TRIP4: variants seen among roughly 807,000 people sequenced by gnomAD.
TRIP4 encodes activating signal cointegrator 1.
A neutral mutation model predicts 81.8 loss-of-function variants in TRIP4; 54 were observed. The observed-to-expected ratio is 0.66, with a 90% CI of 0.53 to 0.83. The LOEUF is 0.83. Ranked by LOEUF, TRIP4 falls within the 40% of genes least tolerant of loss-of-function variation. The pLI, the probability that TRIP4 is intolerant of heterozygous loss-of-function variation, is 0.00. For missense variants in TRIP4, 662 were observed against 683.6 expected (o/e 0.97, Z 0.35); for synonymous variants, 270 against 242.8 (o/e 1.11, Z -1.04).
At chr15:64,450,794 C>T (rs1420141279) in intron 12 of TRIP4, 1 of 455,454 alleles carries the variant, frequency 2.2e-6, no homozygotes, top group Non-Finnish European at 4.4e-6. Context: ...ATTAGTCTGC[C>T]TACAATTGAG....
chr15:64,399,137 G>A (rs1165518535), intron 4 of TRIP4, among the ~76,000 whole-genome samples: 3 of 151,626 alleles, frequency 2.0e-5, no homozygotes, highest in Admixed American at 6.6e-5. Flanking sequence ...TTTTAGTAGA[G>A]ACAGGGTTTC....
At chr15:64,423,564 G>T (rs1298631523) in intron 9 of TRIP4, among the ~76,000 whole-genome samples, 1 of 148,362 alleles carries the variant, frequency 6.7e-6, no homozygotes, top group Admixed American at 6.7e-5. Flanking sequence ...TAAATAAAAA[G>T]TAACATTCTT....
At chr15:64,450,755 C>T (rs747964893) in intron 12 of TRIP4, 5 of 455,836 alleles carry the variant, frequency 1.1e-5, no homozygotes, top group Non-Finnish European at 2.2e-5. Context: ...ATTAGCTTTC[C>T]ATTTTAGACA....
rs1046135890 is a variant in TRIP4, at chr15:64,418,606, G to C, written c.1236G>C (p.Glu412Asp). The part of the protein sequence containing the change: ...KAFRSSGFGL[E>D]FNSFQHQLRI... ...TCCGTTCTTCAGGATTTGGACTAGA[G>C]TTCAACTCATTTCAGCACCAGTTGC... The change falls in exon 9 of 13, where the codon GAG (glutamate) becomes GAC (aspartate). Residue 412 changes from glutamate (E) to aspartate (D), a missense_variant. Glu to Asp is a conservative substitution (Grantham distance 45). Coordinates refer to ENST00000261884, the MANE Select transcript of TRIP4 (RefSeq NM_016213.5). 9.9e-6 allele frequency: 16 copies of C among 1,613,604 alleles called. No homozygotes were observed. The highest frequency in any genetic ancestry group is 1.7e-5 in the Admixed American group (1 of 59,994).
chr15:64,394,040 G>T lies in TRIP4; in HGVS notation c.196G>T (p.Glu66Ter). 6.2e-7 allele frequency: 1 copy of T among 1,612,200 alleles called. No individual in the cohort carries two copies. Among genetic ancestry groups the T allele is most frequent in the Non-Finnish European group, 8.5e-7 (1 of 1,179,128 alleles). Residue 66 changes from glutamate to a stop codon, truncating the protein, a stop_gained, in exon 2 of 13, where the codon GAA (glutamate) becomes TAA (stop). Transcript: ENST00000261884. LOFTEE classifies it high-confidence loss of function. ...NEGKKGQFIE[E>*]LITKWQKNDQ... is the part of the protein sequence containing the mutation. ...AGGCAAAAAAGGTCAATTCATAGAA[G>T]AACTTATAACCAAATGGCAAAAGAA... is the stretch of plus-strand genomic sequence containing the variant.
At chr15:64,454,133 C>CT (rs879675137) in intron 12 of TRIP4, among the ~76,000 whole-genome samples, 158 of 134,406 alleles carry the variant, frequency 1.2e-3, no homozygotes, top group South Asian at 7.6e-3. Context: ...TTTTTGTTTT[C>CT]TTTTTTTTTT....
intron 1 of TRIP4, among the ~76,000 whole-genome samples, chr15:64,390,055 T>G (rs1253282254): frequency 6.8e-6 from 1 of 146,464 alleles, no homozygotes; most frequent in African/African-American, 2.5e-5. Flanking sequence ...ATCAAATATA[T>G]TAAATATTAA....
In TRIP4 at chr15:64,414,098, A is replaced by G. The variant is rs1490003861; in HGVS notation, c.1057A>G (p.Ile353Val). 1.9e-6 allele frequency: 3 copies of G among 1,614,136 alleles called. No individual in the cohort carries two copies. The highest frequency in any genetic ancestry group is 2.5e-6 in the Non-Finnish European group (3 of 1,179,998). Reference sequence around the variant, plus strand: ...TTATTATCACAGACTAGATGAGACAATACAGGCCATTGCCAATGGAACCTT... The same window carrying G: ...TTATTATCACAGACTAGATGAGACAGTACAGGCCATTGCCAATGGAACCTT... Reference protein sequence around the residue: ...AEYHSRLDETIQAIANGTLNQ... With the variant: ...AEYHSRLDETVQAIANGTLNQ... Residue 353 changes from isoleucine (I) to valine (V), a missense_variant, in exon 8 of 13, where the codon ATA becomes GTA. Physicochemically the swap from Ile to Val is conservative, Grantham distance 29. Coordinates refer to ENST00000261884, the MANE Select transcript of TRIP4 (RefSeq NM_016213.5).
At chr15:64,388,198 G>A in intron 1 of TRIP4, 1 of 640,674 alleles carries the variant, frequency 1.6e-6, no homozygotes, top group Non-Finnish European at 2.3e-6. Context: ...CGCCCAATCT[G>A]TAATAATTAG....
chr15:64,445,005 G>T lies in TRIP4; in HGVS notation c.1576-1G>T. The T allele has an allele frequency of 6.6e-7, 1 of 1,506,368 alleles. No individual in the cohort carries two copies. Among genetic ancestry groups the T allele is most frequent in the South Asian group, 1.2e-5 (1 of 85,296 alleles). 93.3% of individuals were successfully genotyped at this position (1,506,368 alleles called of 1,614,324 possible). A position where few individuals can be genotyped will look rare whatever the true frequency, so the allele number is the denominator to read the frequency against. On this transcript the variant is annotated splice_acceptor_variant, in intron 11 of 12. Transcript: ENST00000261884. LOFTEE classifies it high-confidence loss of function. ...GAACTTTTTATTTTTATATTTCACA[G>T]TTTCCAGACATCAGTCAAGAGTCTG...
intron 11 of TRIP4, among the ~76,000 whole-genome samples, chr15:64,431,848 T>TATATATATATA (rs879733141): frequency 7.3e-4 from 6 of 8,260 alleles, no homozygotes; most frequent in African/African-American, 8.9e-4. Flanking sequence ...TATATATATA[T>TATATATATATA]TTTTTTTATC....
intron 11 of TRIP4, among the ~76,000 whole-genome samples, chr15:64,437,602 C>T (rs372468118): frequency 3.4e-3 from 508 of 151,558 alleles, no homozygotes; most frequent in African/African-American, 0.012. Flanking sequence ...AAGCGATTCT[C>T]CTGCCTCAGC....
intron 9 of TRIP4, among the ~76,000 whole-genome samples, chr15:64,422,901 G>T: frequency 6.6e-6 from 1 of 152,126 alleles, no homozygotes. Context: ...CCTACTGTGT[G>T]CCTGGCACTC....
chr15:64,398,390 C>A (rs1270945105), intron 4 of TRIP4, among the ~76,000 whole-genome samples: 2 of 137,472 alleles, frequency 1.5e-5, no homozygotes, highest in Non-Finnish European at 3.0e-5. Context: ...GAGTTTGAGA[C>A]CAGCCTGGGC....
Position 64,417,208 on chromosome 15 carries a change from C to T in TRIP4, c.1171-1333C>T, listed in dbSNP as rs778888647. On this transcript the variant is annotated intron_variant, in intron 8 of 12. Transcript: ENST00000261884. ...ATATTTTTTTGTAGAGAAGGAGTTT[C>T]GCCTTGTTGCCCAGGTTGGTCTTAA... 3.9e-5 allele frequency among the ~76,000 whole-genome samples: 6 copies of T among 152,086 alleles called. No individual in the cohort carries two copies. The East Asian group carries it at 5.8e-4, about 15-fold the overall frequency.
chr15:64,448,893 A>G (rs570326198), intron 12 of TRIP4, among the ~76,000 whole-genome samples: 2 of 152,232 alleles, frequency 1.3e-5, no homozygotes, highest in African/African-American at 4.8e-5. Context: ...TATTACATGA[A>G]GTGATTAAGT....
chr15:64,433,326 T>A (rs1157684702), intron 11 of TRIP4, among the ~76,000 whole-genome samples: 1 of 152,186 alleles, frequency 6.6e-6, no homozygotes, highest in African/African-American at 2.4e-5. Flanking sequence ...TCCCCTCCTT[T>A]AGGGATGAAA....
At chr15:64,408,114 C>G (rs1006276556) in intron 6 of TRIP4, among the ~76,000 whole-genome samples, 1 of 150,482 alleles carries the variant, frequency 6.6e-6, no homozygotes, top group Non-Finnish European at 1.5e-5. Flanking sequence ...AAAAAAATTC[C>G]TCCAGAGTAC....
intron 8 of TRIP4, among the ~76,000 whole-genome samples, chr15:64,415,105 A>AC (rs1011703496): frequency 3.3e-5 from 5 of 152,088 alleles, no homozygotes; most frequent in African/African-American, 1.2e-4. Flanking sequence ...AAAAAAAAAA[A>AC]AGCAAATATT....
Sources: allele counts gnomAD v4.1 joint callset (sites outside exome capture counted in the v4.1 genomes callset), GRCh38; gene constraint gnomAD v4.1.1; transcripts MANE v1.5; gene names NCBI Gene and HGNC (gene_info 2026-07-23, HGNC 2026-07-21).